Variants in MORC3 observed in about 807,000 individuals in gnomAD.
MORC3 encodes the protein MORC family CW-type zinc finger 3, also known as MORC family CW-type zinc finger protein 3.
Under a neutral mutation model 109.1 loss-of-function variants are expected in MORC3, and 31 were observed. That is an observed-to-expected ratio of 0.28 (90% CI 0.21 to 0.38). The LOEUF is 0.38. Among genes scored for constraint, MORC3 ranks in the 10% least tolerant of loss-of-function variants. MORC3 has a pLI of 1.00. For missense variants in MORC3, 867 were observed against 1,135.8 expected (o/e 0.76, Z 3.40); for synonymous variants, 395 against 380.7 (o/e 1.04, Z -0.44).
In MORC3 at chr21:36,349,507, A is replaced by G. The variant is rs142865766; in HGVS notation, c.1103+99A>G. ...TTTCTGTGAATCTCAGAAATACCTTATTAGTAAAGAAAGGTTTGAATATAC... is the reference window on the plus strand; with the variant it reads ...TTTCTGTGAATCTCAGAAATACCTTGTTAGTAAAGAAAGGTTTGAATATAC... On this transcript the variant is annotated intron_variant, in intron 9 of 16. Transcript: ENST00000400485. 4 of 709,308 alleles carry G rather than the reference A, an allele frequency of 5.6e-6. No individual in the cohort carries two copies. In the South Asian group the frequency reaches 6.8e-5, roughly 12 times the overall value. The allele number at this position is 709,308 out of a possible 1,614,324, so 43.9% of individuals were successfully genotyped here.
At chr21:36,370,489 T>C (rs2085842571) in intron 15 of MORC3, among the ~76,000 whole-genome samples, 1 of 151,608 alleles carries the variant, frequency 6.6e-6, no homozygotes, top group Non-Finnish European at 1.5e-5. Context: ...GCATCAATTC[T>C]GCTTTTAAGT....
chr21:36,353,949 T>C (rs1423484627), intron 9 of MORC3, among the ~76,000 whole-genome samples: 1 of 151,124 alleles, frequency 6.6e-6, no homozygotes, highest in Non-Finnish European at 1.5e-5. Context: ...TGGGCACTTG[T>C]AATCCCAGCT....
chr21:36,323,411 T>A (rs566521718), intron 1 of MORC3, among the ~76,000 whole-genome samples: 1 of 152,164 alleles, frequency 6.6e-6, no homozygotes, highest in East Asian at 1.9e-4. Flanking sequence ...AAAAATTACA[T>A]GAGCAGATAG....
intron 9 of MORC3, among the ~76,000 whole-genome samples, chr21:36,355,134 C>T (rs560641324): frequency 6.6e-6 from 1 of 152,242 alleles, no homozygotes; most frequent in South Asian, 2.1e-4. Context: ...TCTTCCACAG[C>T]GTTAACAATC....
rs371024073 is a variant in MORC3, at chr21:36,369,820, G to A, written c.2452G>A (p.Asp818Asn). ...EMDEMAVQLD[D>N]VFRQLDKCSI... ...GGATGAGATGGCTGTGCAGCTTGAC[G>A]ATGTGTTTAGACAACTGGACAAATG... Residue 818 changes from aspartate to asparagine, a missense_variant, in exon 15 of 17, where the codon GAT becomes AAT. Physicochemically the swap from Asp to Asn is conservative, Grantham distance 23 (BLOSUM62 1). Around this residue, in one of 7 missense-constraint regions of MORC3, gnomAD observed 486 missense variants for 502.1 expected, o/e 0.97. Transcript: ENST00000400485. The A allele has an allele frequency of 3.7e-6, 6 of 1,613,856 alleles. No homozygotes were observed. Among genetic ancestry groups the A allele is most frequent in the African/African-American group, 1.3e-5 (1 of 74,936 alleles).
chr21:36,342,907 G>A (rs1283244582), intron 6 of MORC3, among the ~76,000 whole-genome samples: 1 of 151,310 alleles, frequency 6.6e-6, no homozygotes, highest in African/African-American at 2.4e-5. Flanking sequence ...TGATCCCAGC[G>A]GCTTGGGAGG....
chr21:36,328,968 A>C (rs2085281733), intron 1 of MORC3, among the ~76,000 whole-genome samples: 1 of 152,124 alleles, frequency 6.6e-6, no homozygotes, highest in Non-Finnish European at 1.5e-5. Flanking sequence ...AACAACAAAA[A>C]AAATCACGAA....
At chr21:36,349,157 CA>C (rs370237524) in intron 8 of MORC3, among the ~76,000 whole-genome samples, 153 bp from the exon 9 acceptor site, 3,751 of 150,144 alleles carry the variant, frequency 0.025, 65 homozygotes, top group Admixed American at 0.047. Context: ...GACTCTGTCT[CA>C]AAAAAATAAA....
In MORC3 at chr21:36,354,767, T is replaced by C. The variant is rs750819884; in HGVS notation, c.1104-1853T>C. 1.5e-4 allele frequency among the ~76,000 whole-genome samples: 23 copies of C among 152,232 alleles called. 1 individual carries two copies. Among genetic ancestry groups the C allele is most frequent in the Non-Finnish European group, 2.6e-4 (18 of 68,046 alleles). ...TCTGGATTGTCTAATGTCAGTTTGT[T>C]GTCTGGGCACTGCTTCTTCTGTCTT... On this transcript the variant is annotated intron_variant, in intron 9 of 16. Transcript: ENST00000400485.
chr21:36,321,689 T>A (rs1425457650), intron 1 of MORC3, among the ~76,000 whole-genome samples: 2 of 152,100 alleles, frequency 1.3e-5, no homozygotes, highest in East Asian at 3.9e-4. Flanking sequence ...TCTCTCTCCC[T>A]CCCTTTTCCC....
intron 1 of MORC3, among the ~76,000 whole-genome samples, chr21:36,330,501 T>G (rs560155336): frequency 2.1e-3 from 317 of 152,334 alleles, no homozygotes; most frequent in African/African-American, 7.0e-3. Context: ...TGTATTTCAT[T>G]GATACCTCAT....
chr21:36,361,929 C>T (rs1294701104), intron 12 of MORC3: 6 of 516,840 alleles, frequency 1.2e-5, no homozygotes, highest in Non-Finnish European at 1.7e-5. Flanking sequence ...TGATTCTGGA[C>T]TGAGTTATCT....
intron 8 of MORC3, chr21:36,347,755 A>G (rs2085526273): frequency 6.6e-6 from 1 of 152,224 alleles, no homozygotes; most frequent in Non-Finnish European, 1.5e-5. Flanking sequence ...CAAAGTCTGG[A>G]AGGGCTTTCC....
chr21:36,359,525 T>C (rs1410421106), intron 10 of MORC3, among the ~76,000 whole-genome samples: 1 of 151,588 alleles, frequency 6.6e-6, no homozygotes, highest in Non-Finnish European at 1.5e-5. Flanking sequence ...TGCCTTGCCT[T>C]TTCTCTTTTC....
chr21:36,331,970 G>T (rs965097575), intron 1 of MORC3, among the ~76,000 whole-genome samples: 2 of 151,176 alleles, frequency 1.3e-5, no homozygotes, highest in African/African-American at 4.9e-5. Context: ...TGAGACTCCT[G>T]TCTCTACAAA....
chr21:36,363,742 G>T (rs2085746367), intron 13 of MORC3, among the ~76,000 whole-genome samples: 1 of 152,226 alleles, frequency 6.6e-6, no homozygotes. Context: ...AGGCAGTTGT[G>T]CTTCTTGCTT....
chr21:36,325,893 G>A (rs570904718), intron 1 of MORC3, among the ~76,000 whole-genome samples: 1 of 152,248 alleles, frequency 6.6e-6, no homozygotes, highest in African/African-American at 2.4e-5. Context: ...CAGATTTGCT[G>A]TTGTTGTATC....
At chr21:36,363,950 C>A in intron 13 of MORC3, 143 bp from the exon 14 acceptor site, 1 of 843,686 alleles carries the variant, frequency 1.2e-6, no homozygotes, top group Non-Finnish European at 1.8e-6. Context: ...TTGTTGATTC[C>A]TGGTATAGCA....
intron 13 of MORC3, among the ~76,000 whole-genome samples, chr21:36,363,761 T>G (rs2085746477): frequency 6.6e-6 from 1 of 152,238 alleles, no homozygotes; most frequent in South Asian, 2.1e-4. Flanking sequence ...TTGAGAAGTT[T>G]GGGTCTTGAT....
Sources: allele counts gnomAD v4.1 joint callset (sites outside exome capture counted in the v4.1 genomes callset), GRCh38; gene constraint gnomAD v4.1.1; regional missense constraint gnomAD v4.1.1; transcripts MANE v1.5; gene names NCBI Gene and HGNC (gene_info 2026-07-23, HGNC 2026-07-21).